Variants in LINGO2 observed in about 807,000 individuals in gnomAD.
LINGO2 encodes leucine rich repeat and Ig domain containing 2.
In LINGO2, 14 loss-of-function variants were observed where a neutral mutation model predicts 30.6. The observed-to-expected ratio is 0.46, with a 90% CI of 0.30 to 0.72. LINGO2 has a LOEUF of 0.72. Ranked by LOEUF, LINGO2 falls within the 30% of genes least tolerant of loss-of-function variation. LINGO2 has a pLI of 0.07. For synonymous variants in LINGO2, 317 were observed against 288.5 expected, an observed-to-expected ratio of 1.10 and a Z score of -1.00; for missense variants, 729 against 751.7, an observed-to-expected ratio of 0.97 and a Z score of 0.35.
chr9:28,467,039 G>GT (rs796381475), intron 2 of LINGO2, among the ~76,000 whole-genome samples: 2 of 150,150 alleles, frequency 1.3e-5, no homozygotes, highest in African/African-American at 4.9e-5. Context: ...TTTTTTTGGG[G>GT]GGGGGGGACG....
intron 1 of LINGO2, among the ~76,000 whole-genome samples, chr9:28,621,705 T>A (rs540047770): frequency 2.0e-5 from 3 of 152,094 alleles, no homozygotes; most frequent in African/African-American, 4.8e-5. Context: ...GAAGATACTA[T>A]GTATTCTGTT....
intron 4 of LINGO2, among the ~76,000 whole-genome samples, chr9:28,212,807 T>C (rs1434111059): frequency 6.6e-6 from 1 of 151,470 alleles, no homozygotes; most frequent in Non-Finnish European, 1.5e-5. Context: ...AGCACAGACA[T>C]AGGACAGTTC....
chr9:28,690,364 T>C, the LINGO2 span, among the ~76,000 whole-genome samples: 5 of 152,064 alleles, frequency 3.3e-5, no homozygotes, highest in African/African-American at 1.2e-4. Context: ...CCCATAAAAA[T>C]TGTGAGATAA....
At chr9:28,241,331 C>T (rs149507611) in intron 4 of LINGO2, among the ~76,000 whole-genome samples, 1 of 147,422 alleles carries the variant, frequency 6.8e-6, no homozygotes, top group African/African-American at 2.5e-5. Context: ...TGGGGTGGGG[C>T]CAAGATAGCC....
chr9:28,650,846 C>T (rs554150435), intron 1 of LINGO2, among the ~76,000 whole-genome samples: 1 of 152,194 alleles, frequency 6.6e-6, no homozygotes, highest in African/African-American at 2.4e-5. Context: ...AGTAATAGCC[C>T]TTTGTTTGGC....
chr9:28,604,537 A>C (rs1049783935), intron 1 of LINGO2, among the ~76,000 whole-genome samples: 8 of 152,110 alleles, frequency 5.3e-5, no homozygotes, highest in Non-Finnish European at 8.8e-5. Flanking sequence ...ACCACGGTTT[A>C]ACATTTAGCT....
At chr9:28,618,478 C>T (rs1207490737) in intron 1 of LINGO2, among the ~76,000 whole-genome samples, 9 of 152,062 alleles carry the variant, frequency 5.9e-5, no homozygotes, top group African/African-American at 1.2e-4. Context: ...CAACAAACAG[C>T]ATCCAGAGTG....
chr9:28,577,681 G>A (rs1824058051), intron 1 of LINGO2, among the ~76,000 whole-genome samples: 1 of 152,246 alleles, frequency 6.6e-6, no homozygotes, highest in East Asian at 1.9e-4. Context: ...ATATTTTCAT[G>A]ATTAGAAGAT....
intron 4 of LINGO2, among the ~76,000 whole-genome samples, chr9:28,146,789 T>C (rs958133860): frequency 2.6e-5 from 4 of 152,220 alleles, no homozygotes; most frequent in Admixed American, 2.6e-4. Flanking sequence ...ATGACCAAAT[T>C]ATGTTTGTCA....
At chr9:29,038,618 A>G in the LINGO2 span, among the ~76,000 whole-genome samples, 1 of 150,392 alleles carries the variant, frequency 6.6e-6, no homozygotes, top group African/African-American at 2.4e-5. Flanking sequence ...GATCCCTAGC[A>G]CACTGTCTAG....
At chr9:28,761,480 A>C in the LINGO2 span, among the ~76,000 whole-genome samples, 4 of 83,002 alleles carry the variant, frequency 4.8e-5, no homozygotes, top group South Asian at 2.0e-3. Flanking sequence ...AAAAATATAC[A>C]TGCGCACACA....
chr9:29,175,406 T>C, the LINGO2 span, among the ~76,000 whole-genome samples: 1 of 152,182 alleles, frequency 6.6e-6, no homozygotes, highest in Non-Finnish European at 1.5e-5. Context: ...TCTAGAAGAT[T>C]GCATGCTTTA....
At chr9:28,015,997 A>AT (rs1822814647) in intron 4 of LINGO2, among the ~76,000 whole-genome samples, 1 of 50,094 alleles carries the variant, frequency 2.0e-5, no homozygotes, top group Admixed American at 2.8e-4. Flanking sequence ...AGTAAAAGGG[A>AT]CAAAAAAAAA....
intron 2 of LINGO2, among the ~76,000 whole-genome samples, chr9:28,404,285 C>T (rs1039273470): frequency 2.0e-5 from 3 of 151,902 alleles, no homozygotes; most frequent in Non-Finnish European, 4.4e-5. Context: ...CAATATGTTG[C>T]TCTTTTCTAT....
At chr9:28,073,748 C>T (rs1314545152) in intron 4 of LINGO2, among the ~76,000 whole-genome samples, 2 of 152,134 alleles carry the variant, frequency 1.3e-5, no homozygotes, top group Non-Finnish European at 2.9e-5. Context: ...TTTGAAGGGG[C>T]CAGGAGCAGT....
chr9:27,950,259 T>C, exon 6 of LINGO2: 1 of 1,614,068 alleles, frequency 6.2e-7, no homozygotes, highest in Non-Finnish European at 8.5e-7. Flanking sequence ...AATCTTATTC[T>C]CACTAATGTC....
chr9:28,588,893 G>A (rs1194336144), intron 1 of LINGO2, among the ~76,000 whole-genome samples: 1 of 152,022 alleles, frequency 6.6e-6, no homozygotes, highest in East Asian at 1.9e-4. Context: ...GAAAGCCTGA[G>A]ACATAGTGCA....
At chr9:29,209,177 C>T in the LINGO2 span, among the ~76,000 whole-genome samples, 1 of 152,066 alleles carries the variant, frequency 6.6e-6, no homozygotes, top group South Asian at 2.1e-4. Context: ...AGCACAAACG[C>T]ACCATGTTCT....
intron 5 of LINGO2, among the ~76,000 whole-genome samples, chr9:27,972,061 G>A (rs1283520923): frequency 6.6e-6 from 1 of 151,870 alleles, no homozygotes; most frequent in Non-Finnish European, 1.5e-5. Context: ...TCAATAATGG[G>A]TACTGCAATG....
Sources: gnomAD v4.1 joint callset for allele counts (sites outside exome capture counted in the v4.1 genomes callset) on GRCh38, gnomAD v4.1.1 for gene constraint, MANE v1.5 for transcripts, NCBI Gene and HGNC (gene_info 2026-07-23, HGNC 2026-07-21) for gene names.